Variants in COL22A1 observed in about 807,000 individuals in gnomAD.
COL22A1 encodes the protein collagen type XXII alpha 1 chain.
COL22A1 carries 221 observed loss-of-function variants against 248.9 expected under a neutral mutation model. That is an observed-to-expected ratio of 0.89 (90% CI 0.80 to 0.99). The LOEUF is 0.99. Ranked by LOEUF, COL22A1 falls within the 50% of genes least tolerant of loss-of-function variation. COL22A1 has a pLI of 0.00. For missense variants in COL22A1, 2,240 were observed against 2,179.0 expected (o/e 1.03, Z -0.56); for synonymous variants, 891 against 793.4 (o/e 1.12, Z -2.07).
intron 44 of COL22A1, among the ~76,000 whole-genome samples, chr8:138,658,894 T>TCTTCTCTCTCTCC (rs1823538547): frequency 6.8e-6 from 1 of 147,278 alleles, no homozygotes; most frequent in Non-Finnish European, 1.5e-5. Flanking sequence ...TCTCTCTCTC[T>TCTTCTCTCTCTCC]CTCCCTCTCT....
Position 138,609,555 on chromosome 8 carries a change from C to T in COL22A1, c.3979-1566G>A, listed in dbSNP as rs561500110. Among the ~76,000 whole-genome samples, 4 of 152,306 alleles carry T rather than the reference C, an allele frequency of 2.6e-5. No individual in the cohort carries two copies. The South Asian group carries it at 6.2e-4, about 24-fold the overall frequency. On this transcript the variant is annotated intron_variant, in intron 56 of 64. Coordinates refer to ENST00000303045, the MANE Select transcript of COL22A1 (RefSeq NM_152888.3). ...GCCAGCTGGATTTGTGGACTGCTTA[C>T]CCATACTCGGCCCTTCCGCGAACGC...
rs1431317558 is a variant in COL22A1, at chr8:138,606,451, C to A, written c.4034G>T (p.Gly1345Val). The A allele has an allele frequency of 6.2e-7, 1 of 1,613,320 alleles. No individual in the cohort carries two copies. Among genetic ancestry groups the A allele is most frequent in the African/African-American group, 1.3e-5 (1 of 74,916 alleles). The change falls in exon 58 of 65, where the codon GGC becomes GTC. Residue 1345 changes from glycine (G) to valine (V), a missense_variant and splice_region_variant. Physicochemically the swap from Gly to Val is moderately radical, Grantham distance 109 (BLOSUM62 -3). Coordinates refer to ENST00000303045, the MANE Select transcript of COL22A1 (RefSeq NM_152888.3). ...PGEPGPSGTP[G>V]QKGSKGENGS... ...ATTTTCCCCTTTGCTTCCTTTCTGG[C>A]CCTGCAAAGAGAAAACTGAGAATTA...
chr8:138,679,741 T>C, intron 39 of COL22A1, 65 bp from the exon 40 acceptor site: 2 of 1,449,318 alleles, frequency 1.4e-6, no homozygotes, highest in Non-Finnish European at 1.9e-6. Context: ...CCTAAAATAA[T>C]TCAGCCCCTC....
intron 3 of COL22A1, among the ~76,000 whole-genome samples, chr8:138,867,835 C>T (rs1303164965): frequency 6.6e-6 from 1 of 152,160 alleles, no homozygotes; most frequent in Admixed American, 6.5e-5. Context: ...GGCACGATCT[C>T]GGCTCACTGC....
intron 3 of COL22A1, among the ~76,000 whole-genome samples, chr8:138,870,229 G>T (rs1823219949): frequency 6.6e-6 from 1 of 151,840 alleles, no homozygotes; most frequent in African/African-American, 2.4e-5. Flanking sequence ...TATGTAGGTG[G>T]GTGGGTGTGT....
At chr8:138,886,171 C>A (rs902532701) in intron 1 of COL22A1, among the ~76,000 whole-genome samples, 1 of 152,144 alleles carries the variant, frequency 6.6e-6, no homozygotes, top group African/African-American at 2.4e-5. Context: ...TGAATGAATC[C>A]AGTCATATTT....
chr8:138,760,157 T>A, intron 18 of COL22A1, 86 bp downstream of exon 18: 1 of 1,173,198 alleles, frequency 8.5e-7, no homozygotes, highest in Non-Finnish European at 1.2e-6. Context: ...CCAGGCCCCT[T>A]CCCTGAGCCT....
intron 3 of COL22A1, among the ~76,000 whole-genome samples, chr8:138,847,436 A>T (rs1034466980): frequency 3.9e-5 from 6 of 152,186 alleles, no homozygotes; most frequent in African/African-American, 1.4e-4. Context: ...TTGCTAAATA[A>T]TGCCACCTTA....
At chr8:138,646,989 T>G (rs6577938) in intron 46 of COL22A1, among the ~76,000 whole-genome samples, 131,775 of 152,164 alleles carry the variant, frequency 0.87, 57,417 homozygotes, top group Middle Eastern at 0.96. Context: ...TTGTTCCAGG[T>G]TTGGTCTCTA....
At chr8:138,613,788 A>C (rs1819095535) in intron 56 of COL22A1, 79 bp downstream of exon 56, 1 of 1,242,172 alleles carries the variant, frequency 8.1e-7, no homozygotes, top group African/African-American at 1.5e-5. Flanking sequence ...CAGTGGCACC[A>C]GAGGGAACTA....
chr8:138,823,687 T>C (rs977299093), intron 6 of COL22A1, among the ~76,000 whole-genome samples: 2 of 152,254 alleles, frequency 1.3e-5, no homozygotes, highest in Non-Finnish European at 2.9e-5. Flanking sequence ...ATTACAGGCA[T>C]GAGCCACTGT....
chr8:138,704,676 C>T (rs1415076146), intron 30 of COL22A1, among the ~76,000 whole-genome samples: 1 of 152,060 alleles, frequency 6.6e-6, no homozygotes, highest in Non-Finnish European at 1.5e-5. Context: ...TGGGGAGAAA[C>T]CAGAGCAGAA....
chr8:138,766,400 A>G (rs956357876), intron 16 of COL22A1, among the ~76,000 whole-genome samples: 2 of 152,062 alleles, frequency 1.3e-5, no homozygotes, highest in African/African-American at 4.8e-5. Flanking sequence ...GAGGAATGAG[A>G]GAGGATACAT....
At chr8:138,911,479 C>T (rs1379856431) in intron 1 of COL22A1, among the ~76,000 whole-genome samples, 5 of 152,188 alleles carry the variant, frequency 3.3e-5, no homozygotes, top group African/African-American at 1.2e-4. Context: ...TAACTCAGAG[C>T]AAGCAAGCTC....
At chr8:138,731,666 G>T (rs569101507) in intron 23 of COL22A1, among the ~76,000 whole-genome samples, 1 of 150,092 alleles carries the variant, frequency 6.7e-6, no homozygotes, top group Non-Finnish European at 1.5e-5. Context: ...GAGAGAGAGT[G>T]AGTTCTGGGG....
At chr8:138,675,774 T>A (rs915356852) in intron 41 of COL22A1, among the ~76,000 whole-genome samples, 2 of 152,240 alleles carry the variant, frequency 1.3e-5, no homozygotes, top group African/African-American at 4.8e-5. Context: ...ATATGTGTTC[T>A]TTGTGGTACA....
intron 63 of COL22A1, among the ~76,000 whole-genome samples, chr8:138,592,213 C>A (rs1210726633): frequency 6.6e-6 from 1 of 152,160 alleles, no homozygotes; most frequent in African/African-American, 2.4e-5. Flanking sequence ...GAGAGTGATC[C>A]ATTTTCTCTG....
chr8:138,694,997 G>C (rs1468226772), intron 32 of COL22A1, 118 bp from the exon 33 acceptor site: 1 of 866,344 alleles, frequency 1.2e-6, no homozygotes, highest in African/African-American at 1.7e-5. Flanking sequence ...TCACCTGATA[G>C]GTCCCCACCC....
At chr8:138,696,537 G>A (rs1827517665) in intron 32 of COL22A1, among the ~76,000 whole-genome samples, 1 of 152,202 alleles carries the variant, frequency 6.6e-6, no homozygotes, top group African/African-American at 2.4e-5. Context: ...CTCTCTCTAT[G>A]TCTCTGCAAA....
Sources: gnomAD v4.1 joint callset for allele counts (sites outside exome capture counted in the v4.1 genomes callset) on GRCh38, gnomAD v4.1.1 for gene constraint, MANE v1.5 for transcripts, NCBI Gene and HGNC (gene_info 2026-07-23, HGNC 2026-07-21) for gene names.